The following NTPCR variants were observed in gnomAD, a reference collection of about 807,000 sequenced individuals.
NTPCR encodes the protein nucleoside-triphosphatase, cancer-related, also known as cancer-related nucleoside-triphosphatase.
NTPCR carries 15 observed loss-of-function variants against 19.5 expected under a neutral mutation model. The ratio of observed to expected loss-of-function variants is 0.77; its 90% CI spans 0.51 to 1.18. The LOEUF is 1.18. Ranked by LOEUF, NTPCR falls within the 50% of genes most tolerant of loss-of-function variation. The pLI is 0.00. For synonymous variants in NTPCR, 90 were observed against 95.8 expected, an observed-to-expected ratio of 0.94 and a Z score of 0.36; for missense variants, 206 against 240.4, an observed-to-expected ratio of 0.86 and a Z score of 0.95.
intron 3 of NTPCR, chr1:232,968,648 C>T (rs1353786014): frequency 6.6e-6 from 1 of 152,242 alleles, no homozygotes; most frequent in Non-Finnish European, 1.5e-5. Context: ...CTACCACCAG[C>T]CACACTGTAC....
chr1:232,952,144 T>C (rs939621115), intron 1 of NTPCR, among the ~76,000 whole-genome samples: 2 of 152,242 alleles, frequency 1.3e-5, no homozygotes, highest in East Asian at 3.8e-4. Context: ...AGTCAATGTT[T>C]ACAGTATTAT....
At position 232,980,129 on chromosome 1, in the gene NTPCR, T is replaced by C. The variant is rs1479417918; in HGVS notation, c.*1898T>C. The stretch of plus-strand genomic sequence containing the variant: ...AATGAGAAAGAAAGCTGGTGAAGGT[T>C]ATTTCAAAGTTAAATAGCTAGTCTG... On this transcript the variant is annotated 3_prime_UTR_variant, in exon 5 of 5. Coordinates refer to ENST00000366628, the MANE Select transcript of NTPCR (RefSeq NM_032324.3). The C allele has an allele frequency of 6.6e-6, 1 of 152,268 alleles. No homozygotes were observed. The highest frequency in any genetic ancestry group is 2.4e-5 in the African/African-American group (1 of 41,464). 9.4% of individuals were successfully genotyped at this position (152,268 alleles called of 1,614,324 possible).
rs185059307 is a variant in NTPCR at position 232,959,022 on chromosome 1, T to G, written c.294+2579T>G. Among the ~76,000 whole-genome samples, 308 of 152,282 alleles carry G rather than the reference T, an allele frequency of 2.0e-3. 1 individual carries two copies. Among genetic ancestry groups the G allele is most frequent in the African/African-American group, 6.9e-3 (286 of 41,562 alleles). ...AGAAATACAGACTTCTCCCAACATT[T>G]TGTATTCTGATTGCCAAATGCAGAC... On this transcript the variant is annotated intron_variant, in intron 3 of 4. Transcript: ENST00000366628.
At chr1:232,958,391 C>T (rs189535243) in intron 3 of NTPCR, among the ~76,000 whole-genome samples, 25 of 152,320 alleles carry the variant, frequency 1.6e-4, no homozygotes, top group East Asian at 3.9e-4. Context: ...TTGGTGAGCA[C>T]GCTGTCTTCA....
chr1:232,960,634 G>T (rs1668643591), intron 3 of NTPCR, among the ~76,000 whole-genome samples: 1 of 152,086 alleles, frequency 6.6e-6, no homozygotes, highest in African/African-American at 2.4e-5. Context: ...GAACCACTGT[G>T]CCTAGCCTGG....
At chr1:232,962,014 T>G (rs903453436) in intron 3 of NTPCR, 1 of 152,232 alleles carries the variant, frequency 6.6e-6, no homozygotes, top group African/African-American at 2.4e-5. Context: ...CTTCAAAAAA[T>G]GGCCTTGTTC....
intron 4 of NTPCR, among the ~76,000 whole-genome samples, chr1:232,970,407 G>C (rs1668943565): frequency 6.6e-6 from 1 of 152,216 alleles, no homozygotes; most frequent in Admixed American, 6.5e-5. Context: ...AGAATTGCCT[G>C]AGCTAAGGTG....
intron 4 of NTPCR, among the ~76,000 whole-genome samples, chr1:232,975,712 G>A (rs1361139773): frequency 1.3e-5 from 2 of 152,172 alleles, no homozygotes; most frequent in East Asian, 1.9e-4. Flanking sequence ...CTGGGCAGGT[G>A]CAAGGGTTCA....
At chr1:232,972,871 AC>A (rs1669021840) in intron 4 of NTPCR, among the ~76,000 whole-genome samples, 1 of 152,158 alleles carries the variant, frequency 6.6e-6, no homozygotes, top group Admixed American at 6.5e-5. Context: ...TCGTTTAGGC[AC>A]CTGTGAGGCA....
chr1:232,975,972 T>C lies in NTPCR; in HGVS notation c.505-2191T>C, dbSNP rs147106829. 5.7e-4 allele frequency among the ~76,000 whole-genome samples: 87 copies of C among 152,318 alleles called. 1 individual carries two copies. The East Asian group carries it at 0.012, about 21-fold the overall frequency. On this transcript the variant is annotated intron_variant, in intron 4 of 4. Transcript: ENST00000366628. Reference sequence around the variant, plus strand: ...TGGCAGATGCTGTGATCCTTGTTCTTGCATTTGGGAGTGTGCTTTTCTCAA... The same window carrying C: ...TGGCAGATGCTGTGATCCTTGTTCTCGCATTTGGGAGTGTGCTTTTCTCAA...
chr1:232,966,008 C>T (rs757580032), intron 3 of NTPCR: 1 of 152,280 alleles, frequency 6.6e-6, no homozygotes, highest in Non-Finnish European at 1.5e-5. Context: ...AGTCTAGACA[C>T]CTTGTCCTGG....
At chr1:232,978,031 C>T (rs1272687992) in intron 4 of NTPCR, 132 bp from the exon 5 acceptor site, 13 of 665,060 alleles carry the variant, frequency 2.0e-5, no homozygotes, top group Non-Finnish European at 3.1e-5. Flanking sequence ...AGAGCTGGGC[C>T]TCCTGCCTGG....
At chr1:232,969,808 T>C (rs1411813195) in intron 3 of NTPCR, 101 bp from the exon 4 acceptor site, 3 of 956,940 alleles carry the variant, frequency 3.1e-6, no homozygotes, top group Non-Finnish European at 4.9e-6. Context: ...AAAAGGTTTC[T>C]GTCTTTTTTA....
rs113606092 is a variant in NTPCR, at chr1:232,951,852, T to A, written c.34+1108T>A. On this transcript the variant is annotated intron_variant, in intron 1 of 4. Coordinates refer to ENST00000366628, the MANE Select transcript of NTPCR (RefSeq NM_032324.3). The stretch of plus-strand genomic sequence containing the variant: ...CTCCTAAGTATTGCAAAGAACTGTT[T>A]TCTGAAAGTTGGTTTGTCAATCCTT... Among the ~76,000 whole-genome samples, 601 of 152,272 alleles carry A rather than the reference T, an allele frequency of 3.9e-3. 5 individuals carry two copies. The highest frequency in any genetic ancestry group is 0.014 in the African/African-American group (574 of 41,552).
At position 232,956,459 on chromosome 1, in the gene NTPCR, C is replaced by G. The variant is rs774508008; in HGVS notation, c.294+16C>G. ...CTTGAGGAATGTGAGTACGTGATTT[C>G]TGCTTTTTGAACCCATCTGCTCTTA... On this transcript the variant is annotated intron_variant, in intron 3 of 4. Coordinates refer to ENST00000366628, the MANE Select transcript of NTPCR (RefSeq NM_032324.3). 6.4e-7 allele frequency: 1 copy of G among 1,566,706 alleles called. No homozygotes were observed. The highest frequency in any genetic ancestry group is 8.8e-7 in the Non-Finnish European group (1 of 1,137,122).
At chr1:232,976,163 A>G in intron 4 of NTPCR, 1 of 568,118 alleles carries the variant, frequency 1.8e-6, no homozygotes, top group Non-Finnish European at 2.7e-6. Flanking sequence ...TAATTGATAT[A>G]ATGTACATAT....
chr1:232,964,451 T>C (rs1668759537), intron 3 of NTPCR: 1 of 152,202 alleles, frequency 6.6e-6, no homozygotes, highest in Non-Finnish European at 1.5e-5. Flanking sequence ...AGTGGGGAGA[T>C]AGTGTGAGAC....
chr1:232,959,529 G>A (rs369901579), intron 3 of NTPCR, among the ~76,000 whole-genome samples: 1 of 152,082 alleles, frequency 6.6e-6, no homozygotes, highest in Admixed American at 6.5e-5. Context: ...TGGGAATGAA[G>A]AAAGGAGAAG....
chr1:232,983,085 G>A lies in NTPCR; in HGVS notation c.*4854G>A, dbSNP rs1161678844. The A allele has an allele frequency of 1.3e-5, 2 of 151,976 alleles. No individual in the cohort carries two copies. The highest frequency in any genetic ancestry group is 4.8e-5 in the African/African-American group (2 of 41,372). 9.4% of individuals were successfully genotyped at this position (151,976 alleles called of 1,614,324 possible). A position where few individuals can be genotyped will look rare whatever the true frequency, so the allele number is the denominator to read the frequency against. On this transcript the variant is annotated 3_prime_UTR_variant, in exon 5 of 5. Transcript: ENST00000366628. ...TCTTAGTTTACAAAAAAAAAAATTA[G>A]AAAAGCATTACCATTTACTTTCCAA... is the stretch of plus-strand genomic sequence containing the variant.
Sources: allele counts gnomAD v4.1 joint callset (sites outside exome capture counted in the v4.1 genomes callset), GRCh38; gene constraint gnomAD v4.1.1; transcripts MANE v1.5; gene names NCBI Gene and HGNC (gene_info 2026-07-23, HGNC 2026-07-21).